The following CSRNP3 variants were observed in gnomAD, a reference collection of about 807,000 sequenced individuals.
CSRNP3 encodes cysteine/serine-rich nuclear protein 3.
A neutral mutation model predicts 48.0 loss-of-function variants in CSRNP3; 12 were observed. That is an observed-to-expected ratio of 0.25 (90% CI 0.16 to 0.41). The LOEUF (loss-of-function observed/expected upper bound fraction) is 0.41, where lower values mean the gene tolerates loss of function less well. CSRNP3 is among the 10% of genes least tolerant of loss of function. The pLI, the probability that CSRNP3 is intolerant of heterozygous loss-of-function variation, is 1.00. For synonymous variants in CSRNP3, 263 were observed against 269.7 expected, an observed-to-expected ratio of 0.98 and a Z score of 0.24; for missense variants, 580 against 724.4, an observed-to-expected ratio of 0.80 and a Z score of 2.29.
At chr2:165,623,520 A>G (rs1174462593) in intron 4 of CSRNP3, among the ~76,000 whole-genome samples, 2 of 152,234 alleles carry the variant, frequency 1.3e-5, no homozygotes, top group African/African-American at 4.8e-5. Flanking sequence ...GACCACTGAT[A>G]TAAAATATAT....
intron 3 of CSRNP3, among the ~76,000 whole-genome samples, chr2:165,587,485 G>A (rs1360608940): frequency 6.6e-6 from 1 of 152,334 alleles, no homozygotes; most frequent in East Asian, 1.9e-4. Context: ...TGATCAAGGG[G>A]CAGACACCTG....
chr2:165,526,792 G>C (rs995980152), intron 3 of CSRNP3, among the ~76,000 whole-genome samples: 1 of 152,150 alleles, frequency 6.6e-6, no homozygotes, highest in Non-Finnish European at 1.5e-5. Flanking sequence ...TGAGGATGTG[G>C]AGAAATGGAC....
intron 3 of CSRNP3, among the ~76,000 whole-genome samples, chr2:165,556,008 T>A (rs1292656280): frequency 2.0e-5 from 3 of 152,118 alleles, no homozygotes; most frequent in Admixed American, 6.6e-5. Context: ...TGGTTTAGAT[T>A]TGTGTTTTAG....
In CSRNP3 at chr2:165,624,665, T is replaced by C. The variant is rs191555838; in HGVS notation, c.148+29452T>C. ...TAACTAAGAAGCCTTCTTTTCATCC[T>C]ACAGCCCACGAAGAAAGCAAAGCAC... On this transcript the variant is annotated intron_variant, in intron 4 of 6. Coordinates refer to ENST00000651982, the MANE Select transcript of CSRNP3 (RefSeq NM_001172173.2). 3.4e-3 allele frequency among the ~76,000 whole-genome samples: 522 copies of C among 152,270 alleles called. 7 individuals are homozygous for C. The highest frequency in any genetic ancestry group is 0.012 in the African/African-American group (506 of 41,566).
At position 165,689,142 on chromosome 2, in the gene CSRNP3, C is replaced by T. The variant is rs367544175; in HGVS notation, c.*9389C>T. 39 of 152,040 alleles carry T rather than the reference C, an allele frequency of 2.6e-4. No homozygotes were observed. In the South Asian group the frequency reaches 6.8e-3, roughly 27 times the overall value. 9.4% of individuals were successfully genotyped at this position (152,040 alleles called of 1,614,324 possible). A position where few individuals can be genotyped will look rare whatever the true frequency, so the allele number is the denominator to read the frequency against. On this transcript the variant is annotated 3_prime_UTR_variant, in exon 7 of 7. Coordinates refer to ENST00000651982, the MANE Select transcript of CSRNP3 (RefSeq NM_001172173.2). ...AATATTCAACAGAACTTAACCTGGA[C>T]CTTATGTTGTAATAATTTATTCATA...
At chr2:165,538,507 G>A (rs1684911741) in intron 3 of CSRNP3, among the ~76,000 whole-genome samples, 1 of 151,826 alleles carries the variant, frequency 6.6e-6, no homozygotes, top group Non-Finnish European at 1.5e-5. Flanking sequence ...CTTCCATCCA[G>A]TCTCTCACAA....
intron 3 of CSRNP3, among the ~76,000 whole-genome samples, chr2:165,557,950 G>A (rs1381417593): frequency 3.3e-5 from 5 of 152,198 alleles, no homozygotes; most frequent in African/African-American, 1.2e-4. Flanking sequence ...AGTCAATATT[G>A]TTAGAGAGAG....
chr2:165,581,496 T>A (rs2105283223), intron 3 of CSRNP3, among the ~76,000 whole-genome samples: 1 of 152,194 alleles, frequency 6.6e-6, no homozygotes, highest in East Asian at 1.9e-4. Flanking sequence ...CTGCTTTGTA[T>A]CAGAGCCTAT....
chr2:165,553,330 A>T (rs1426082992), intron 3 of CSRNP3, among the ~76,000 whole-genome samples: 1 of 152,072 alleles, frequency 6.6e-6, no homozygotes, highest in Non-Finnish European at 1.5e-5. Context: ...TATCATTGTA[A>T]TCACTTCCTT....
chr2:165,665,477 C>G (rs1687162757), intron 5 of CSRNP3, among the ~76,000 whole-genome samples: 1 of 152,094 alleles, frequency 6.6e-6, no homozygotes, highest in African/African-American at 2.4e-5. Flanking sequence ...AAGAAATTCT[C>G]TGGCCGGGCA....
Position 165,685,604 on chromosome 2 carries a change from G to A in CSRNP3, c.*5851G>A, listed in dbSNP as rs1197327747. On this transcript the variant is annotated 3_prime_UTR_variant, in exon 7 of 7. Coordinates refer to ENST00000651982, the MANE Select transcript of CSRNP3 (RefSeq NM_001172173.2). The stretch of plus-strand genomic sequence containing the variant: ...TACTTGTTGTATCCATGGGAAATGA[G>A]GTCATTTCAAAGATGTAAGTCACGT... 2.0e-5 allele frequency: 3 copies of A among 152,024 alleles called. No individual in the cohort carries two copies. Among genetic ancestry groups the A allele is most frequent in the Non-Finnish European group, 4.4e-5 (3 of 67,956 alleles). 9.4% of individuals were successfully genotyped at this position (152,024 alleles called of 1,614,324 possible). A position where few individuals can be genotyped will look rare whatever the true frequency, so the allele number is the denominator to read the frequency against.
intron 5 of CSRNP3, among the ~76,000 whole-genome samples, chr2:165,661,453 G>A (rs1421119437): frequency 6.6e-6 from 1 of 152,104 alleles, no homozygotes; most frequent in African/African-American, 2.4e-5. Context: ...TCATCCTCAT[G>A]ATTGCATGGC....
chr2:165,679,410 TGACCCCGG>T lies in CSRNP3; in HGVS notation c.1416_1423del (p.Met472IlefsTer5). The T allele has an allele frequency of 6.2e-7, 1 of 1,613,056 alleles. No homozygotes were observed. The highest frequency in any genetic ancestry group is 1.1e-5 in the South Asian group (1 of 91,024). ...ACCCTTTCGCTGGTGCCTTACACCA[TGACCCCGG>T]AGCAATTCGTTGACTATGCCCGACA... On this transcript the variant is annotated frameshift_variant, in exon 7 of 7. Coordinates refer to ENST00000651982, the MANE Select transcript of CSRNP3 (RefSeq NM_001172173.2). LOFTEE classifies it high-confidence loss of function.
At chr2:165,470,984 ATTGT>A (rs1322980035) in intron 1 of CSRNP3, among the ~76,000 whole-genome samples, 1 of 151,852 alleles carries the variant, frequency 6.6e-6, no homozygotes, top group Non-Finnish European at 1.5e-5. Context: ...CTTTTTGTTT[ATTGT>A]TTTTCAAATT....
chr2:165,472,448 T>C (rs761615307), intron 1 of CSRNP3, among the ~76,000 whole-genome samples: 2 of 152,032 alleles, frequency 1.3e-5, no homozygotes, highest in Non-Finnish European at 2.9e-5. Flanking sequence ...CATTTTTGCT[T>C]TCTTTGAAAA....
intron 4 of CSRNP3, among the ~76,000 whole-genome samples, chr2:165,651,656 G>GC: frequency 7.3e-6 from 1 of 137,782 alleles, no homozygotes; most frequent in African/African-American, 2.7e-5. Context: ...CATTTTGAAA[G>GC]CTTTTTTTTT....
intron 3 of CSRNP3, among the ~76,000 whole-genome samples, chr2:165,594,004 G>A (rs1368150890): frequency 6.6e-6 from 1 of 152,068 alleles, no homozygotes; most frequent in Admixed American, 6.5e-5. Flanking sequence ...GATACTCTAG[G>A]AAATTGCCTT....
At chr2:165,598,339 C>T (rs1685845783) in intron 4 of CSRNP3, among the ~76,000 whole-genome samples, 1 of 152,086 alleles carries the variant, frequency 6.6e-6, no homozygotes. Context: ...AAGTCTAAGT[C>T]TGTACATGCA....
At chr2:165,601,640 GCTTCCTTC>G (rs762976277) in intron 4 of CSRNP3, among the ~76,000 whole-genome samples, 1 of 151,370 alleles carries the variant, frequency 6.6e-6, no homozygotes, top group Non-Finnish European at 1.5e-5. Context: ...CAATCTGTTT[GCTTCCTTC>G]CTTCCTTCCT....
Sources: allele counts gnomAD v4.1 joint callset (sites outside exome capture counted in the v4.1 genomes callset), GRCh38; gene constraint gnomAD v4.1.1; transcripts MANE v1.5; gene names NCBI Gene and HGNC (gene_info 2026-07-23, HGNC 2026-07-21).